The following ROBO2 variants were observed in gnomAD, a reference collection of about 807,000 sequenced individuals.
ROBO2 encodes the protein roundabout homolog 2.
ROBO2 carries 53 observed loss-of-function variants against 160.8 expected under a neutral mutation model. The ratio of observed to expected loss-of-function variants is 0.33; its 90% CI spans 0.26 to 0.41. The LOEUF (loss-of-function observed/expected upper bound fraction) is 0.41. Among genes scored for constraint, ROBO2 ranks in the 10% least tolerant of loss-of-function variants. ROBO2 has a pLI of 1.00. For missense variants in ROBO2, 1,577 were observed against 1,722.4 expected (o/e 0.92, Z 1.49); for synonymous variants, 664 against 611.7 (o/e 1.09, Z -1.26).
intron 2 of ROBO2, among the ~76,000 whole-genome samples, chr3:76,740,542 G>A (rs914355896): frequency 6.6e-6 from 1 of 152,088 alleles, no homozygotes. Flanking sequence ...TCTTTAGTAG[G>A]TTTATTTTCT....
chr3:77,017,891 A>G (rs556452063), intron 2 of ROBO2, among the ~76,000 whole-genome samples: 2 of 152,218 alleles, frequency 1.3e-5, no homozygotes, highest in Admixed American at 6.5e-5. Context: ...AATTTTTGCA[A>G]TCAGACCTTG....
At chr3:76,940,409 A>G (rs9879380) in intron 2 of ROBO2, among the ~76,000 whole-genome samples, 5,162 of 152,306 alleles carry the variant, frequency 0.034, 273 homozygotes, top group African/African-American at 0.12. Flanking sequence ...ATATTTTTAC[A>G]CTAGGGCCAA....
At chr3:77,291,525 G>C (rs2061254818) in intron 2 of ROBO2, among the ~76,000 whole-genome samples, 1 of 151,624 alleles carries the variant, frequency 6.6e-6, no homozygotes, top group Admixed American at 6.6e-5. Flanking sequence ...GGTTAAAAGG[G>C]TAGGCTGAGG....
intron 2 of ROBO2, among the ~76,000 whole-genome samples, chr3:76,541,779 C>G (rs2082833514): frequency 6.6e-6 from 1 of 152,092 alleles, no homozygotes; most frequent in Non-Finnish European, 1.5e-5. Context: ...TTTACGTGAC[C>G]TAGGTTTTGA....
chr3:76,382,999 T>C (rs1250506716), intron 2 of ROBO2, among the ~76,000 whole-genome samples: 1 of 152,144 alleles, frequency 6.6e-6, no homozygotes, highest in Non-Finnish European at 1.5e-5. Flanking sequence ...TAAGGATAGG[T>C]AGACTTTAGC....
chr3:77,189,660 A>T (rs1236435138), intron 2 of ROBO2, among the ~76,000 whole-genome samples: 1 of 152,012 alleles, frequency 6.6e-6, no homozygotes, highest in Non-Finnish European at 1.5e-5. Context: ...TGAAACATGT[A>T]AGCGGGTATA....
chr3:77,010,309 G>A (rs1406602207), intron 2 of ROBO2, among the ~76,000 whole-genome samples: 1 of 152,178 alleles, frequency 6.6e-6, no homozygotes, highest in Non-Finnish European at 1.5e-5. Flanking sequence ...CTTTTGCCTG[G>A]ACTGTTACAA....
intron 2 of ROBO2, among the ~76,000 whole-genome samples, chr3:76,005,089 A>G (rs764580641): frequency 2.6e-5 from 4 of 152,186 alleles, no homozygotes; most frequent in Non-Finnish European, 5.9e-5. Flanking sequence ...GAAGGTCCTC[A>G]CCAGACGCTT....
At chr3:76,581,620 AGAG>A (rs904720955) in intron 2 of ROBO2, among the ~76,000 whole-genome samples, 7 of 152,178 alleles carry the variant, frequency 4.6e-5, no homozygotes, top group African/African-American at 1.7e-4. Flanking sequence ...TCTGAGTGAC[AGAG>A]GAGATCCTGA....
chr3:76,629,612 G>C (rs2089899359), intron 2 of ROBO2, among the ~76,000 whole-genome samples: 1 of 152,024 alleles, frequency 6.6e-6, no homozygotes, highest in African/African-American at 2.4e-5. Context: ...CTAGATTGAG[G>C]GTGAATCTGC....
At chr3:77,219,114 G>C (rs1016164944) in intron 2 of ROBO2, among the ~76,000 whole-genome samples, 12 of 151,684 alleles carry the variant, frequency 7.9e-5, no homozygotes, top group African/African-American at 2.7e-4. Flanking sequence ...GATTACAGGT[G>C]CCTACCAGCA....
At chr3:77,592,355 A>C (rs2094200579) in intron 17 of ROBO2, among the ~76,000 whole-genome samples, 1 of 152,118 alleles carries the variant, frequency 6.6e-6, no homozygotes, top group Admixed American at 6.6e-5. Flanking sequence ...TGAAAAACAT[A>C]TTTTAATGAT....
chr3:75,964,178 G>T (rs1470120473), intron 2 of ROBO2, among the ~76,000 whole-genome samples: 1 of 151,570 alleles, frequency 6.6e-6, no homozygotes, highest in Non-Finnish European at 1.5e-5. Flanking sequence ...ACATTTTAAC[G>T]TATAAGAGAT....
intron 2 of ROBO2, among the ~76,000 whole-genome samples, chr3:77,355,998 A>T (rs554990537): frequency 1.1e-4 from 16 of 152,232 alleles, no homozygotes; most frequent in Admixed American, 5.2e-4. Flanking sequence ...ACATATAAAA[A>T]TATGCTTATT....
chr3:77,439,736 G>GT (rs2079715678), intron 2 of ROBO2, among the ~76,000 whole-genome samples: 1 of 152,016 alleles, frequency 6.6e-6, no homozygotes, highest in African/African-American at 2.4e-5. Flanking sequence ...AACATTTCCT[G>GT]TTTTTTCCTA....
chr3:77,097,926 T>A, intron 1 of ROBO2, 88 bp from the exon 2 acceptor site: 2 of 1,159,834 alleles, frequency 1.7e-6, no homozygotes, highest in Admixed American at 2.9e-5. Context: ...AATCGAAGAG[T>A]TTAATTTCCC....
intron 15 of ROBO2, among the ~76,000 whole-genome samples, chr3:77,579,453 T>C (rs2093855878): frequency 6.6e-6 from 1 of 152,194 alleles, no homozygotes. Context: ...GTTAATATTT[T>C]CTTAAATGAA....
At chr3:76,031,604 G>C (rs2066921550) in intron 2 of ROBO2, among the ~76,000 whole-genome samples, 1 of 152,138 alleles carries the variant, frequency 6.6e-6, no homozygotes, top group Admixed American at 6.6e-5. Context: ...GGCCTTTTCT[G>C]AATCTATTGA....
intron 2 of ROBO2, among the ~76,000 whole-genome samples, chr3:76,215,936 A>G (rs572090606): frequency 3.0e-4 from 46 of 152,340 alleles, no homozygotes; most frequent in Non-Finnish European, 1.0e-4. Context: ...CACAAAGGGA[A>G]GCCCAGCAGA....
Sources: allele counts gnomAD v4.1 joint callset (sites outside exome capture counted in the v4.1 genomes callset), GRCh38; gene constraint gnomAD v4.1.1; transcripts MANE v1.5; gene names NCBI Gene and HGNC (gene_info 2026-07-23, HGNC 2026-07-21).